Variants in RRM2 observed in about 807,000 individuals in gnomAD.
RRM2 encodes ribonucleotide reductase regulatory subunit M2, also known as ribonucleoside-diphosphate reductase subunit M2.
Under a neutral mutation model 45.9 loss-of-function variants are expected in RRM2, and 6 were observed. The observed-to-expected ratio is 0.13, with a 90% CI of 0.07 to 0.26. The LOEUF (loss-of-function observed/expected upper bound fraction) is 0.26, where lower values mean the gene tolerates loss of function less well. RRM2 is among the 10% of genes least tolerant of loss of function. The probability of loss-of-function intolerance (pLI) is 1.00; values close to 1 mark genes in which losing one functional copy is unlikely to be tolerated. For missense variants in RRM2, 343 were observed against 489.5 expected, an observed-to-expected ratio of 0.70 and a Z score of 2.82; for synonymous variants, 177 against 173.0, an observed-to-expected ratio of 1.02 and a Z score of -0.18.
intron 3 of RRM2, among the ~76,000 whole-genome samples, chr2:10,208,717 A>C (rs1664705450): frequency 6.6e-6 from 1 of 152,214 alleles, no homozygotes; most frequent in Non-Finnish European, 1.5e-5. Flanking sequence ...CCCAAGCTGC[A>C]GAGCTATAGA....
At chr2:10,202,868 G>A (rs1268144861) in intron 3 of RRM2, among the ~76,000 whole-genome samples, 1 of 152,216 alleles carries the variant, frequency 6.6e-6, no homozygotes, top group African/African-American at 2.4e-5. Context: ...AAAGTGCTGG[G>A]ATTACAGGCG....
chr2:10,151,425 G>A (rs1225898385), intron 3 of RRM2, among the ~76,000 whole-genome samples: 1 of 151,734 alleles, frequency 6.6e-6, no homozygotes, highest in Non-Finnish European at 1.5e-5. Flanking sequence ...AGCCTCCCAA[G>A]TAGCTGGGAC....
intron 3 of RRM2, among the ~76,000 whole-genome samples, chr2:10,193,346 T>C (rs887092545): frequency 1.3e-5 from 2 of 152,212 alleles, no homozygotes; most frequent in African/African-American, 4.8e-5. Flanking sequence ...TTCTCCCTTC[T>C]GGTGGCCTCC....
At chr2:10,152,752 G>C (rs1239707211) in intron 3 of RRM2, among the ~76,000 whole-genome samples, 1 of 151,906 alleles carries the variant, frequency 6.6e-6, no homozygotes, top group African/African-American at 2.4e-5. Context: ...CAAAGTGCTG[G>C]GATTATAGGC....
At chr2:10,133,377 C>T (rs1039058959), downstream of RRM2, among the ~76,000 whole-genome samples, 4 of 152,242 alleles carry the variant, frequency 2.6e-5, no homozygotes, top group African/African-American at 2.4e-5. Context: ...ACTGCTGTGG[C>T]CTCTGACCTG....
chr2:10,155,185 A>G lies in RRM2; in HGVS notation n.482+12810A>G, dbSNP rs139697347. 2.2e-3 allele frequency: 692 copies of G among 321,194 alleles called. 5 individuals carry two copies. The highest frequency in any genetic ancestry group is 2.0e-3 in the Non-Finnish European group (326 of 166,646). The allele number at this position is 321,194 out of a possible 1,614,324, so 19.9% of individuals were successfully genotyped here. ...TTGAAACCAACAGCTACAGCAAAAC[A>G]CTAGTCTTGATTCAGGGCCTAATGG... On this transcript the variant is annotated intron_variant and non_coding_transcript_variant, in intron 3 of 3. Coordinates refer to the RRM2 transcript ENST00000381786.
chr2:10,199,748 C>T (rs62127596), intron 3 of RRM2, among the ~76,000 whole-genome samples: 39,019 of 127,428 alleles, frequency 0.31, 6,355 homozygotes, highest in Middle Eastern at 0.5. Flanking sequence ...CCACTGCACT[C>T]CAGTCTGGGT....
At chr2:10,165,392 C>T (rs1430222877) in intron 3 of RRM2, among the ~76,000 whole-genome samples, 1 of 152,156 alleles carries the variant, frequency 6.6e-6, no homozygotes, top group African/African-American at 2.4e-5. Context: ...CATGTGGGGA[C>T]CTCCCATTAG....
chr2:10,137,673 G>C (rs899116461), upstream of RRM2, among the ~76,000 whole-genome samples: 1 of 152,240 alleles, frequency 6.6e-6, no homozygotes, highest in African/African-American at 2.4e-5. Flanking sequence ...TAGGAATGGG[G>C]TGAGTGGGAA....
intron 3 of RRM2, among the ~76,000 whole-genome samples, chr2:10,192,862 C>A (rs1260417802): frequency 1.3e-5 from 2 of 152,242 alleles, no homozygotes; most frequent in African/African-American, 4.8e-5. Flanking sequence ...CAACTGATGA[C>A]CCCTCTCCAG....
chr2:10,128,974 G>A (rs781342744), intron 8 of RRM2, 22 bp downstream of exon 8: 2 of 1,607,520 alleles, frequency 1.2e-6, no homozygotes, highest in Middle Eastern at 1.7e-4. Context: ...GATGAAATGG[G>A]TCACTCAAGC....
At chr2:10,122,576 G>A (rs755828575), upstream of RRM2, 4 of 1,442,900 alleles carry the variant, frequency 2.8e-6, no homozygotes, top group Non-Finnish European at 2.7e-6. Flanking sequence ...TGAAAATCGC[G>A]CGCGGCCCCG....
chr2:10,137,815 CCT>C (rs1294154916), upstream of RRM2, among the ~76,000 whole-genome samples: 1 of 152,146 alleles, frequency 6.6e-6, no homozygotes, highest in East Asian at 1.9e-4. Flanking sequence ...GGGGGTCTAG[CCT>C]CTCCTCCAGA....
Position 10,185,812 on chromosome 2 carries a change from A to C in RRM2, n.483-24499A>C, listed in dbSNP as rs1374192938. Reference sequence around the variant, plus strand: ...AGTCTCCCCTAAACTCCAAATCTCTACTCTGACCCTCAGTCTCATCTTCTG... The same window carrying C: ...AGTCTCCCCTAAACTCCAAATCTCTCCTCTGACCCTCAGTCTCATCTTCTG... On this transcript the variant is annotated intron_variant and non_coding_transcript_variant, in intron 3 of 3. Coordinates refer to the RRM2 transcript ENST00000381786. The surrounding 1 kb of genome is among the most constrained non-coding windows in gnomAD (Gnocchi z 4.3). Among the ~76,000 whole-genome samples, 1 of 146,610 alleles carries C rather than the reference A, an allele frequency of 6.8e-6. No individual in the cohort carries two copies. The highest frequency in any genetic ancestry group is 2.5e-5 in the African/African-American group (1 of 39,266).
At chr2:10,135,421 G>A (rs183046598), downstream of RRM2, among the ~76,000 whole-genome samples, 16 of 152,220 alleles carry the variant, frequency 1.1e-4, no homozygotes, top group East Asian at 2.7e-3. Flanking sequence ...AAAGTTTAAG[G>A]ATGACCACTG....
At chr2:10,142,490 T>C in intron 3 of RRM2, 1 of 1,105,118 alleles carries the variant, frequency 9.0e-7, no homozygotes, top group South Asian at 1.3e-5. Flanking sequence ...CACGCACCCC[T>C]GCCAGGTCGG....
At position 10,195,323 on chromosome 2, in the gene RRM2, G is replaced by A. The variant is rs116069741; in HGVS notation, n.483-14988G>A. 2.7e-3 allele frequency among the ~76,000 whole-genome samples: 407 copies of A among 152,272 alleles called. 3 individuals are homozygous for A. The highest frequency in any genetic ancestry group is 9.5e-3 in the African/African-American group (394 of 41,562). The stretch of plus-strand genomic sequence containing the variant: ...TCAGGTGGTCCCAGGAGGATGGGTG[G>A]GGTTCGGAGGCAGAGGGCTGGACTT... On this transcript the variant is annotated intron_variant and non_coding_transcript_variant, in intron 3 of 3. Coordinates refer to the RRM2 transcript ENST00000381786. This position sits in a 1 kb window ranked among gnomAD's most constrained non-coding sequence, Gnocchi z 4.9.
upstream of RRM2, chr2:10,122,728 A>C (rs760437214): frequency 1.9e-6 from 3 of 1,551,736 alleles, no homozygotes; most frequent in South Asian, 3.6e-5. Flanking sequence ...TGCTGGAGTG[A>C]GGGGTCGCCC....
chr2:10,187,751 T>C (rs886994126), intron 3 of RRM2, among the ~76,000 whole-genome samples: 20 of 152,162 alleles, frequency 1.3e-4, no homozygotes, highest in African/African-American at 4.6e-4. Flanking sequence ...GCTGGGCAGG[T>C]TCAGGCCCCT....
Sources: gnomAD v4.1 joint callset for allele counts (sites outside exome capture counted in the v4.1 genomes callset) on GRCh38, gnomAD v4.1.1 for gene constraint, Gnocchi (gnomAD v3.1) non-coding constraint, MANE v1.5 for transcripts, NCBI Gene and HGNC (gene_info 2026-07-23, HGNC 2026-07-21) for gene names.